The following VDAC3 variants were observed in gnomAD, a reference collection of about 807,000 sequenced individuals.
The protein encoded by VDAC3 is voltage dependent anion channel 3.
In VDAC3, 7 loss-of-function variants were observed where a neutral mutation model predicts 33.9. That is an observed-to-expected ratio of 0.21 (90% CI 0.12 to 0.39). VDAC3 has a LOEUF of 0.39. Ranked by LOEUF, VDAC3 falls within the 10% of genes least tolerant of loss-of-function variation. The pLI, the probability that VDAC3 is intolerant of heterozygous loss-of-function variation, is 1.00. For missense variants in VDAC3, 261 were observed against 334.5 expected (o/e 0.78, Z 1.71); for synonymous variants, 100 against 122.4 (o/e 0.82, Z 1.21).
chr8:42,404,778 C>T lies in VDAC3; in HGVS notation c.703-89C>T. ...TAGATTGGCCCTAGGGTGCTTTTAG[C>T]ATTGGAAACCTAATGCACAAAGTGA... On this transcript the variant is annotated intron_variant, in intron 8 of 9. Transcript: ENST00000022615. 5.5e-6 allele frequency: 6 copies of T among 1,094,220 alleles called. No individual in the cohort carries two copies. The South Asian group carries it at 8.7e-5, about 16-fold the overall frequency. 67.8% of individuals were successfully genotyped at this position (1,094,220 alleles called of 1,614,324 possible). A position where few individuals can be genotyped will look rare whatever the true frequency, so the allele number is the denominator to read the frequency against.
intron 6 of VDAC3, among the ~76,000 whole-genome samples, chr8:42,400,472 T>C (rs1200055236): frequency 6.6e-6 from 1 of 152,034 alleles, no homozygotes; most frequent in Non-Finnish European, 1.5e-5. Context: ...TTAGCCTCTG[T>C]AAATCCCCCA....
rs546747819 is a variant in VDAC3, at chr8:42,398,073, G to A, written c.118-639G>A. On this transcript the variant is annotated intron_variant, in intron 4 of 9. Coordinates refer to ENST00000022615, the MANE Select transcript of VDAC3 (RefSeq NM_005662.7). Reference sequence around the variant, plus strand: ...CTGATAGTTTGAAACATATAGCAGAGAACTGATAATCTTTTTTTAGGTCAT... The same window carrying A: ...CTGATAGTTTGAAACATATAGCAGAAAACTGATAATCTTTTTTTAGGTCAT... Among the ~76,000 whole-genome samples, 12 of 152,312 alleles carry A rather than the reference G, an allele frequency of 7.9e-5. No homozygotes were observed. The South Asian group carries it at 2.5e-3, about 32-fold the overall frequency.
intron 8 of VDAC3, 53 bp downstream of exon 8, chr8:42,403,514 C>T: frequency 6.7e-7 from 1 of 1,493,066 alleles, no homozygotes. Context: ...TCTAAGTTTT[C>T]AGAGAATGTT....
At chr8:42,392,957 G>A (rs1824895669) in intron 1 of VDAC3, among the ~76,000 whole-genome samples, 1 of 152,122 alleles carries the variant, frequency 6.6e-6, no homozygotes, top group Non-Finnish European at 1.5e-5. Flanking sequence ...TTAGTACAAG[G>A]GATTGAATTG....
At chr8:42,402,944 TTTTTGCAGAATCTTTATTGAACTCTAC>T in intron 7 of VDAC3, 1 of 188,030 alleles carries the variant, frequency 5.3e-6, no homozygotes, top group Non-Finnish European at 1.1e-5. Flanking sequence ...CCTTTTTATT[TTTTTGCAGAATCTTTATTGAACTCTAC>T]TTTGAAGTTT....
rs1291942049 is a variant in VDAC3, at chr8:42,404,797, A to T, written c.703-70A>T. On this transcript the variant is annotated intron_variant, in intron 8 of 9. Coordinates refer to ENST00000022615, the MANE Select transcript of VDAC3 (RefSeq NM_005662.7). ...TTTTAGCATTGGAAACCTAATGCAC[A>T]AAGTGATGGTTATATTGGACTGATC... The T allele has an allele frequency of 2.2e-6, 3 of 1,365,862 alleles. No homozygotes were observed. The African/African-American group carries it at 4.3e-5, about 20-fold the overall frequency. 84.6% of individuals were successfully genotyped at this position (1,365,862 alleles called of 1,614,324 possible).
intron 1 of VDAC3, among the ~76,000 whole-genome samples, 188 bp downstream of exon 1, chr8:42,392,116 C>T (rs1824878835): frequency 6.6e-6 from 1 of 152,164 alleles, no homozygotes; most frequent in Admixed American, 6.5e-5. Flanking sequence ...GATGGAGCCG[C>T]AGCACGGCGG....
chr8:42,391,935 A>G lies in VDAC3; in HGVS notation c.-43+7A>G, dbSNP rs1348706721. Reference sequence around the variant, plus strand: ...ACAGGCCCTCGGGGTGGAGGTGAGGAGAGCTGAGGCCGCGCGGGCTCCAGT... The same window carrying G: ...ACAGGCCCTCGGGGTGGAGGTGAGGGGAGCTGAGGCCGCGCGGGCTCCAGT... On this transcript the variant is annotated splice_region_variant and intron_variant, in intron 1 of 9. Coordinates refer to ENST00000022615, the MANE Select transcript of VDAC3 (RefSeq NM_005662.7). 2 of 152,304 alleles carry G rather than the reference A, an allele frequency of 1.3e-5. No individual in the cohort carries two copies. Among genetic ancestry groups the G allele is most frequent in the Non-Finnish European group, 1.5e-5 (1 of 68,232 alleles). The allele number at this position is 152,304 out of a possible 1,614,324, so 9.4% of individuals were successfully genotyped here.
chr8:42,393,789 T>C (rs1051255351), intron 1 of VDAC3, 56 bp from the exon 2 acceptor site: 2 of 405,132 alleles, frequency 4.9e-6, no homozygotes, highest in African/African-American at 4.1e-5. Flanking sequence ...ACCCTGAGGA[T>C]TTTGATTGCA....
At chr8:42,397,150 TG>T (rs1418099615) in intron 4 of VDAC3, 1 of 153,578 alleles carries the variant, frequency 6.5e-6, no homozygotes, top group Non-Finnish European at 1.4e-5. Context: ...TTGTTATACT[TG>T]TCAAGTTTGT....
At chr8:42,400,376 C>T (rs1483777391) in intron 6 of VDAC3, among the ~76,000 whole-genome samples, 2 of 150,610 alleles carry the variant, frequency 1.3e-5, no homozygotes, top group African/African-American at 4.9e-5. Context: ...CTCACCCTCT[C>T]TTATGGTGCT....
rs755933123 is a variant in VDAC3, at chr8:42,394,248, G to A, written c.37G>A (p.Ala13Thr). 2 of 1,613,508 alleles carry A rather than the reference G, an allele frequency of 1.2e-6. No individual in the cohort carries two copies. Among genetic ancestry groups the A allele is most frequent in the Non-Finnish European group, 1.7e-6 (2 of 1,179,724 alleles). ...ACCAACGTACTGTGACCTAGGAAAGGCTGCTAAGGATGTCTTCAACAAAGG... is the reference window on the plus strand; with the variant it reads ...ACCAACGTACTGTGACCTAGGAAAGACTGCTAAGGATGTCTTCAACAAAGG... ...NTPTYCDLGK[A>T]AKDVFNKGYG... The change falls in exon 3 of 10, where the codon GCT (alanine) becomes ACT (threonine). Residue 13 changes from alanine (A) to threonine (T), a missense_variant. Coordinates refer to ENST00000022615, the MANE Select transcript of VDAC3 (RefSeq NM_005662.7).
chr8:42,396,257 G>A (rs554281757), intron 4 of VDAC3, among the ~76,000 whole-genome samples: 4 of 152,200 alleles, frequency 2.6e-5, no homozygotes, highest in Non-Finnish European at 4.4e-5. Context: ...GCAAGACTCC[G>A]TCTCAGAAAA....
chr8:42,395,175 C>T (rs1427543483), intron 4 of VDAC3, 42 bp downstream of exon 4: 1 of 1,610,864 alleles, frequency 6.2e-7, no homozygotes, highest in African/African-American at 1.3e-5. Flanking sequence ...ACATAATTAA[C>T]TTAAAGGAAT....
Position 42,403,287 on chromosome 8 carries a change from A to C in VDAC3, c.552-24A>C, listed in dbSNP as rs372978011. 2.5e-6 allele frequency: 4 copies of C among 1,612,714 alleles called. No homozygotes were observed. In the African/African-American group the frequency reaches 4.0e-5, roughly 16 times the overall value. On this transcript the variant is annotated intron_variant, in intron 7 of 9. Coordinates refer to ENST00000022615, the MANE Select transcript of VDAC3 (RefSeq NM_005662.7). ...CAATGGTACAAACTAGATATTTATG[A>C]CGTTTTCTTATCTATGAAAACAGGA... is the stretch of plus-strand genomic sequence containing the variant.
chr8:42,396,942 C>T (rs1217886813), intron 4 of VDAC3: 9 of 421,240 alleles, frequency 2.1e-5, no homozygotes. Flanking sequence ...TAGACACAAA[C>T]TGAACTGTGA....
At chr8:42,403,289 G>A (rs911111019) in intron 7 of VDAC3, 22 bp from the exon 8 acceptor site, 21 of 1,612,994 alleles carry the variant, frequency 1.3e-5, no homozygotes, top group Admixed American at 5.0e-5. Flanking sequence ...TATTTATGAC[G>A]TTTTCTTATC....
At position 42,404,934 on chromosome 8, in the gene VDAC3, G is replaced by A. The variant is rs1401612545; in HGVS notation, c.760+10G>A. 1.2e-6 allele frequency: 2 copies of A among 1,612,850 alleles called. No homozygotes were observed. The highest frequency in any genetic ancestry group is 2.2e-5 in the East Asian group (1 of 44,860). On this transcript the variant is annotated intron_variant, in intron 9 of 9. Coordinates refer to ENST00000022615, the MANE Select transcript of VDAC3 (RefSeq NM_005662.7). ...CAGACCCTTCGACCAGGTAAGTAAAGGAATTAGTAACAGAGGGGTTGAGGT... is the reference window on the plus strand; with the variant it reads ...CAGACCCTTCGACCAGGTAAGTAAAAGAATTAGTAACAGAGGGGTTGAGGT...
In VDAC3 at chr8:42,394,269, A is replaced by C. The variant is rs1802261598; in HGVS notation, c.58A>C (p.Lys20Gln). 2 of 1,613,506 alleles carry C rather than the reference A, an allele frequency of 1.2e-6. No individual in the cohort carries two copies. Among genetic ancestry groups the C allele is most frequent in the Non-Finnish European group, 1.7e-6 (2 of 1,179,628 alleles). ...AAAGGCTGCTAAGGATGTCTTCAAC[A>C]AAGGATATGGTAAGTATGCTATTGT... is the stretch of plus-strand genomic sequence containing the variant. ...LGKAAKDVFN[K>Q]GYGFGMVKID... Residue 20 changes from lysine (K) to glutamine (Q), a missense_variant, in exon 3 of 10, where the codon AAA becomes CAA. By Grantham distance (53) the Lys-to-Gln change is moderately conservative. Coordinates refer to ENST00000022615, the MANE Select transcript of VDAC3 (RefSeq NM_005662.7).
Sources: allele counts gnomAD v4.1 joint callset (sites outside exome capture counted in the v4.1 genomes callset), GRCh38; gene constraint gnomAD v4.1.1; transcripts MANE v1.5; gene names NCBI Gene and HGNC (gene_info 2026-07-23, HGNC 2026-07-21).